The following GLI3 variants were observed in gnomAD, a reference collection of about 807,000 sequenced individuals.
GLI3 encodes GLI family zinc finger 3, also known as transcription activator GLI3.
In GLI3, 20 loss-of-function variants were observed where a neutral mutation model predicts 100.8. The ratio of observed to expected loss-of-function variants is 0.20; its 90% CI spans 0.14 to 0.29. The LOEUF (loss-of-function observed/expected upper bound fraction) is 0.29, where lower values mean the gene tolerates loss of function less well. Among genes scored for constraint, GLI3 ranks in the 10% least tolerant of loss-of-function variants. GLI3 has a pLI of 1.00. For synonymous variants in GLI3, 938 were observed against 860.5 expected, an observed-to-expected ratio of 1.09 and a Z score of -1.58; for missense variants, 2,040 against 2,128.5, an observed-to-expected ratio of 0.96 and a Z score of 0.82.
In GLI3 at chr7:42,125,131, A is replaced by G. The variant is rs185366070; in HGVS notation, c.367+23095T>C. Among the ~76,000 whole-genome samples, 380 of 152,292 alleles carry G rather than the reference A, an allele frequency of 2.5e-3. 2 individuals are homozygous for G. Among genetic ancestry groups the G allele is most frequent in the Middle Eastern group, 0.017 (5 of 294 alleles). On this transcript the variant is annotated intron_variant, in intron 3 of 14. Coordinates refer to ENST00000395925, the MANE Select transcript of GLI3 (RefSeq NM_000168.6). ...TTGCTCGCACAATAGCAAAAACACA[A>G]CAAGAGTCAGCAAAGGGTGCTGCAT... is the stretch of plus-strand genomic sequence containing the variant.
intron 10 of GLI3, among the ~76,000 whole-genome samples, chr7:41,991,655 T>A (rs1787991013): frequency 6.6e-6 from 1 of 152,170 alleles, no homozygotes; most frequent in Admixed American, 6.5e-5. Flanking sequence ...GCAAAACATA[T>A]ATGAGACATA....
chr7:42,086,528 T>G (rs1475495590), intron 3 of GLI3, among the ~76,000 whole-genome samples: 2 of 152,018 alleles, frequency 1.3e-5, no homozygotes, highest in Non-Finnish European at 2.9e-5. Context: ...CACCATGAGT[T>G]TGAGGCCCCA....
In GLI3 at chr7:41,963,414, A is replaced by T. The variant is rs1421120842; in HGVS notation, c.*916T>A. On this transcript the variant is annotated 3_prime_UTR_variant, in exon 15 of 15. Coordinates refer to ENST00000395925, the MANE Select transcript of GLI3 (RefSeq NM_000168.6). ...GCAACTCATAAATATTCCCCCAACTAATTCTACCCAATTGCTTCAATCTAC... is the reference window on the plus strand; with the variant it reads ...GCAACTCATAAATATTCCCCCAACTTATTCTACCCAATTGCTTCAATCTAC... 1 of 152,176 alleles carries T rather than the reference A, an allele frequency of 6.6e-6. No homozygotes were observed. The highest frequency in any genetic ancestry group is 1.5e-5 in the Non-Finnish European group (1 of 68,048). The allele number at this position is 152,176 out of a possible 1,614,324, so 9.4% of individuals were successfully genotyped here.
intron 10 of GLI3, among the ~76,000 whole-genome samples, chr7:42,000,355 T>C (rs1463149269): frequency 3.9e-5 from 6 of 152,148 alleles, no homozygotes; most frequent in Non-Finnish European, 7.3e-5. Context: ...CTAGAAACAA[T>C]GTAAAATAAA....
intron 4 of GLI3, among the ~76,000 whole-genome samples, chr7:42,062,708 C>G (rs1364796812): frequency 2.7e-5 from 3 of 112,826 alleles, no homozygotes; most frequent in Admixed American, 1.6e-4. Context: ...TATACACACA[C>G]ACAGACACAC....
At chr7:42,206,005 T>C (rs1198512607) in intron 2 of GLI3, among the ~76,000 whole-genome samples, 1 of 152,188 alleles carries the variant, frequency 6.6e-6, no homozygotes, top group African/African-American at 2.4e-5. Flanking sequence ...CAGTGGCTCA[T>C]GCCTGTAATC....
At chr7:42,109,239 G>A (rs1785646555) in intron 3 of GLI3, among the ~76,000 whole-genome samples, 1 of 152,128 alleles carries the variant, frequency 6.6e-6, no homozygotes. Flanking sequence ...TAAGTTAACT[G>A]CCAGCATCCA....
intron 2 of GLI3, among the ~76,000 whole-genome samples, chr7:42,161,119 C>T (rs1476773921): frequency 2.0e-5 from 3 of 152,136 alleles, no homozygotes; most frequent in African/African-American, 7.2e-5. Context: ...AAAAATCAAG[C>T]AAATTATTTT....
At position 41,967,595 on chromosome 7, in the gene GLI3, C is replaced by T. The variant is rs116840758; in HGVS notation, c.2431+1G>A. On this transcript the variant is annotated splice_donor_variant, in intron 14 of 14. Coordinates refer to ENST00000395925, the MANE Select transcript of GLI3 (RefSeq NM_000168.6). LOFTEE classifies it high-confidence loss of function. ...GATGCATGGTCTGATGTAGAACTCA[C>T]CATTTCCTATGAGAGGAGAGACCGC... The T allele has an allele frequency of 6.2e-7, 1 of 1,607,830 alleles. No individual in the cohort carries two copies.
chr7:42,192,613 G>A (rs1224499332), intron 2 of GLI3, among the ~76,000 whole-genome samples: 1 of 152,172 alleles, frequency 6.6e-6, no homozygotes, highest in Non-Finnish European at 1.5e-5. Flanking sequence ...GAGAGATGGG[G>A]GCGCTGGAAA....
chr7:42,257,226 C>A (rs988933723), intron 1 of GLI3, among the ~76,000 whole-genome samples: 2 of 151,922 alleles, frequency 1.3e-5, no homozygotes, highest in South Asian at 4.1e-4. Flanking sequence ...CTTCTCCAAT[C>A]TAGATACCAC....
chr7:42,168,917 CA>C (rs1487954787), intron 2 of GLI3, among the ~76,000 whole-genome samples: 2 of 151,764 alleles, frequency 1.3e-5, no homozygotes, highest in East Asian at 1.9e-4. Flanking sequence ...AATCCTGTCT[CA>C]AAAAAATTAA....
intron 3 of GLI3, among the ~76,000 whole-genome samples, chr7:42,123,654 T>C (rs1038749820): frequency 5.9e-5 from 9 of 152,232 alleles, no homozygotes; most frequent in African/African-American, 2.2e-4. Context: ...ATCATAAATA[T>C]TCAATTTTAT....
At chr7:42,238,279 C>T (rs576766356), upstream of GLI3, among the ~76,000 whole-genome samples, 3 of 152,102 alleles carry the variant, frequency 2.0e-5, no homozygotes, top group Non-Finnish European at 4.4e-5. Context: ...TTCTCCCACC[C>T]AGCCTCTCTT....
intron 1 of GLI3, among the ~76,000 whole-genome samples, chr7:42,247,922 A>G (rs1788992314): frequency 6.6e-6 from 1 of 152,230 alleles, no homozygotes; most frequent in African/African-American, 2.4e-5. Flanking sequence ...TAGAATAACA[A>G]TGCTGCTTTT....
chr7:41,962,461 G>A lies in GLI3; in HGVS notation c.*1869C>T, dbSNP rs138806624. On this transcript the variant is annotated 3_prime_UTR_variant, in exon 15 of 15. Coordinates refer to ENST00000395925, the MANE Select transcript of GLI3 (RefSeq NM_000168.6). ...ATGCTCAGATCAGTAGTTCTCTTTT[G>A]TTATGGGGCTGTTCCAAAGGAGACA... The A allele has an allele frequency of 6.6e-6, 1 of 152,296 alleles. No individual in the cohort carries two copies. Among genetic ancestry groups the A allele is most frequent in the African/African-American group, 2.4e-5 (1 of 41,568 alleles). 9.4% of individuals were successfully genotyped at this position (152,296 alleles called of 1,614,324 possible).
chr7:42,109,039 C>G lies in GLI3; in HGVS notation c.368-32182G>C, dbSNP rs954939934. 6.6e-5 allele frequency among the ~76,000 whole-genome samples: 10 copies of G among 152,258 alleles called. No homozygotes were observed. The East Asian group carries it at 1.7e-3, about 26-fold the overall frequency. ...CCTCCACCCCACCACACTGGCCTCCCTCTAACTTTTGCCCAGCCCATCAAT... is the reference window on the plus strand; with the variant it reads ...CCTCCACCCCACCACACTGGCCTCCGTCTAACTTTTGCCCAGCCCATCAAT... On this transcript the variant is annotated intron_variant, in intron 3 of 14. Transcript: ENST00000395925.
chr7:42,082,333 T>C (rs1444468956), intron 3 of GLI3, among the ~76,000 whole-genome samples: 2 of 152,108 alleles, frequency 1.3e-5, no homozygotes, highest in Admixed American at 1.3e-4. Flanking sequence ...CCATTTGGAC[T>C]GACTCCAAGA....
chr7:42,145,807 T>C (rs952072153), intron 3 of GLI3, among the ~76,000 whole-genome samples: 4 of 152,062 alleles, frequency 2.6e-5, no homozygotes, highest in African/African-American at 4.8e-5. Flanking sequence ...CTTAATACAT[T>C]TGAGGCACTT....
Sources: allele counts gnomAD v4.1 joint callset (sites outside exome capture counted in the v4.1 genomes callset), GRCh38; gene constraint gnomAD v4.1.1; transcripts MANE v1.5; gene names NCBI Gene and HGNC (gene_info 2026-07-23, HGNC 2026-07-21).